Variants in PRMT7 observed in about 807,000 individuals in gnomAD.
PRMT7 encodes the protein protein arginine N-methyltransferase 7.
A neutral mutation model predicts 85.4 loss-of-function variants in PRMT7; 75 were observed. The observed-to-expected ratio is 0.88, with a 90% CI of 0.73 to 1.06. The LOEUF (loss-of-function observed/expected upper bound fraction) is 1.06. Among genes scored for constraint, PRMT7 ranks in the 50% least tolerant of loss-of-function variants. The probability of loss-of-function intolerance (pLI) is 0.00; values close to 1 mark genes in which losing one functional copy is unlikely to be tolerated. For synonymous variants in PRMT7, 397 were observed against 359.5 expected (o/e 1.10, Z -1.18); for missense variants, 868 against 915.2 (o/e 0.95, Z 0.67).
intron 9 of PRMT7, among the ~76,000 whole-genome samples, chr16:68,343,476 C>G (rs746035129): frequency 6.6e-6 from 1 of 152,268 alleles, no homozygotes; most frequent in Non-Finnish European, 1.5e-5. Context: ...GAATCTCCCT[C>G]ATGAATTCAT....
chr16:68,331,469 C>CTT (rs57038859), intron 6 of PRMT7, among the ~76,000 whole-genome samples: 2,217 of 114,478 alleles, frequency 0.019, 94 homozygotes, highest in African/African-American at 0.071. Context: ...CTTTGTTGTT[C>CTT]TTTTTTTTTT....
intron 2 of PRMT7, among the ~76,000 whole-genome samples, chr16:68,313,654 A>G (rs141946198): frequency 2.0e-5 from 3 of 152,352 alleles, no homozygotes; most frequent in South Asian, 2.1e-4. Context: ...TCTAATGCAC[A>G]TTACAGATTC....
chr16:68,318,493 C>T (rs968118816), intron 3 of PRMT7, among the ~76,000 whole-genome samples: 1 of 152,186 alleles, frequency 6.6e-6, no homozygotes, highest in Non-Finnish European at 1.5e-5. Context: ...GCCACTGCAC[C>T]TGCCCAGGTC....
chr16:68,339,678 C>G, intron 8 of PRMT7, 110 bp from the exon 9 acceptor site: 1 of 1,579,610 alleles, frequency 6.3e-7, no homozygotes, highest in Non-Finnish European at 8.7e-7. Flanking sequence ...GCCTCGAAGG[C>G]AAGAGTCCTT....
rs373299310 is a variant in PRMT7, at chr16:68,348,441, G to A, written c.1413+10G>A. The stretch of plus-strand genomic sequence containing the variant: ...CCTACAGGGCAGAAAGGTGAGTAGC[G>A]GGAGCCTTTTGGCCACGCTGGGCTG... On this transcript the variant is annotated intron_variant, in intron 14 of 18. Transcript: ENST00000441236. The A allele has an allele frequency of 1.6e-5, 25 of 1,603,164 alleles. No individual in the cohort carries two copies. The highest frequency in any genetic ancestry group is 2.1e-5 in the Non-Finnish European group (24 of 1,170,470).
intron 10 of PRMT7, 48 bp downstream of exon 10, chr16:68,345,850 T>C (rs1261618819): frequency 6.2e-7 from 1 of 1,609,972 alleles, no homozygotes; most frequent in South Asian, 1.1e-5. Context: ...GAGACTTGTA[T>C]GTAAATTCCC....
Position 68,348,484 on chromosome 16 carries a change from C to A in PRMT7, c.1413+53C>A, listed in dbSNP as rs372186442. On this transcript the variant is annotated intron_variant, in intron 14 of 18. Transcript: ENST00000441236. ...CTGGGCTGTGTTAGGGTGGTCAGCA[C>A]GGCACTGAAGTAGCCCAGGCCCCAC... 8 of 1,459,340 alleles carry A rather than the reference C, an allele frequency of 5.5e-6. No individual in the cohort carries two copies. In the East Asian group the frequency reaches 1.6e-4, roughly 29 times the overall value. The allele number at this position is 1,459,340 out of a possible 1,614,324, so 90.4% of individuals were successfully genotyped here.
chr16:68,326,205 C>A (rs909124238), intron 5 of PRMT7, among the ~76,000 whole-genome samples: 1 of 152,118 alleles, frequency 6.6e-6, no homozygotes, highest in Non-Finnish European at 1.5e-5. Context: ...TAAATACTTT[C>A]CCTACAAAAT....
In PRMT7 at chr16:68,338,289, AG is replaced by A. The variant is rs1376888504; in HGVS notation, c.504+720del. On this transcript the variant is annotated intron_variant, in intron 7 of 18. Transcript: ENST00000441236. ...TGGTCCCAGGAGTTGGTGGTCCCTTAGGTGTAGAGATATCGATGCTAGGGTT... is the reference window on the plus strand; with the variant it reads ...TGGTCCCAGGAGTTGGTGGTCCCTTAGTGTAGAGATATCGATGCTAGGGTT... Among the ~76,000 whole-genome samples the A allele has an allele frequency of 3.9e-5, 6 of 152,092 alleles. No individual in the cohort carries two copies. In the South Asian group the frequency reaches 1.0e-3, roughly 26 times the overall value.
chr16:68,333,367 G>A (rs1344073094), intron 6 of PRMT7, among the ~76,000 whole-genome samples: 2 of 151,810 alleles, frequency 1.3e-5, no homozygotes, highest in African/African-American at 4.8e-5. Context: ...TGTAATCCCA[G>A]CTACTGAGGA....
chr16:68,350,120 G>C (rs183500975), intron 14 of PRMT7, among the ~76,000 whole-genome samples: 1 of 152,204 alleles, frequency 6.6e-6, no homozygotes, highest in African/African-American at 2.4e-5. Flanking sequence ...CACCCATTTC[G>C]TTCTTTTGAA....
chr16:68,333,491 AAAAAAG>A (rs2084210969), intron 6 of PRMT7, among the ~76,000 whole-genome samples: 1 of 151,858 alleles, frequency 6.6e-6, no homozygotes, highest in Non-Finnish European at 1.5e-5. Context: ...CAAAAAAAAA[AAAAAAG>A]AAAAGAAAAG....
chr16:68,329,982 C>T (rs985845634), intron 6 of PRMT7, among the ~76,000 whole-genome samples: 1 of 152,104 alleles, frequency 6.6e-6, no homozygotes, highest in Non-Finnish European at 1.5e-5. Context: ...CATCCTCCAC[C>T]TCCTGGGTAC....
intron 2 of PRMT7, among the ~76,000 whole-genome samples, chr16:68,314,514 G>C (rs1753803910): frequency 6.6e-6 from 1 of 152,212 alleles, no homozygotes; most frequent in African/African-American, 2.4e-5. Context: ...TTACAGGTGT[G>C]AGCCACCGTG....
intron 15 of PRMT7, among the ~76,000 whole-genome samples, chr16:68,352,940 G>T (rs867409929): frequency 5.3e-5 from 8 of 152,226 alleles, no homozygotes; most frequent in African/African-American, 1.4e-4. Context: ...TCCTAGCTTA[G>T]TGGCTCCATC....
chr16:68,344,933 T>TACACACACACACACACATACACACACAC (rs1555563399), intron 9 of PRMT7, among the ~76,000 whole-genome samples: 2,086 of 131,022 alleles, frequency 0.016, 34 homozygotes, highest in Middle Eastern at 0.067. Flanking sequence ...CCTGCATCTC[T>TACACACACACACACACATACACACACAC]ACACACACAC....
chr16:68,347,618 G>T lies in PRMT7; in HGVS notation c.1276-13G>T, dbSNP rs760681287. On this transcript the variant is annotated splice_polypyrimidine_tract_variant and intron_variant, in intron 12 of 18. Transcript: ENST00000441236. The stretch of plus-strand genomic sequence containing the variant: ...TGAATATCTTACAACTAATAGCGTG[G>T]TGTTCCCTCTAGGTGTTTACAGTCG... The T allele has an allele frequency of 1.2e-6, 2 of 1,611,180 alleles. No individual in the cohort carries two copies. The highest frequency in any genetic ancestry group is 2.2e-5 in the South Asian group (2 of 90,990).
intron 4 of PRMT7, 124 bp downstream of exon 4, chr16:68,321,586 C>A: frequency 1.1e-6 from 1 of 880,770 alleles, no homozygotes; most frequent in Non-Finnish European, 1.7e-6. Context: ...GTGTAGAAGT[C>A]AGGAAATCAG....
chr16:68,313,123 G>C (rs937868576), intron 2 of PRMT7, among the ~76,000 whole-genome samples: 1 of 152,136 alleles, frequency 6.6e-6, no homozygotes, highest in African/African-American at 2.4e-5. Flanking sequence ...CCGTGCCTGG[G>C]CTGTTCCAGG....
Sources: gnomAD v4.1 joint callset for allele counts (sites outside exome capture counted in the v4.1 genomes callset) on GRCh38, gnomAD v4.1.1 for gene constraint, MANE v1.5 for transcripts, NCBI Gene and HGNC (gene_info 2026-07-23, HGNC 2026-07-21) for gene names.